The following NLRP2 variants were observed in gnomAD, a reference collection of about 807,000 sequenced individuals.
NLRP2 encodes the protein NACHT, LRR and PYD domains-containing protein 2.
A neutral mutation model predicts 97.2 loss-of-function variants in NLRP2; 107 were observed. The ratio of observed to expected loss-of-function variants is 1.10; its 90% CI spans 0.94 to 1.29. The LOEUF (loss-of-function observed/expected upper bound fraction) is 1.29. NLRP2 is among the 50% of genes most tolerant of loss of function. NLRP2 has a pLI of 0.00. For synonymous variants in NLRP2, 663 were observed against 551.5 expected, an observed-to-expected ratio of 1.20 and a Z score of -2.83; for missense variants, 1,495 against 1,330.3, an observed-to-expected ratio of 1.12 and a Z score of -1.93.
At chr19:54,971,865 G>C (rs1461468437) in intron 2 of NLRP2, among the ~76,000 whole-genome samples, 4 of 152,078 alleles carry the variant, frequency 2.6e-5, no homozygotes, top group Non-Finnish European at 5.9e-5. Flanking sequence ...ATCTCACTCT[G>C]TCACCCAGGC....
At chr19:54,999,176 TTA>T (rs2073043310) in intron 12 of NLRP2, among the ~76,000 whole-genome samples, 1 of 152,094 alleles carries the variant, frequency 6.6e-6, no homozygotes, top group Admixed American at 6.5e-5. Context: ...GGCCAGAGTT[TTA>T]CTCTTGTTGT....
chr19:54,978,894 T>G (rs2071407509), intron 4 of NLRP2, among the ~76,000 whole-genome samples: 1 of 152,038 alleles, frequency 6.6e-6, no homozygotes, highest in Admixed American at 6.6e-5. Context: ...TATGGTACAT[T>G]GCTCAGACAA....
At chr19:54,970,715 T>C (rs966665147) in intron 2 of NLRP2, among the ~76,000 whole-genome samples, 3 of 148,638 alleles carry the variant, frequency 2.0e-5, no homozygotes, top group Non-Finnish European at 4.5e-5. Context: ...TGAATGCAGG[T>C]GCTGGATCTT....
chr19:54,969,502 A>C (rs1442779256), intron 1 of NLRP2, among the ~76,000 whole-genome samples: 1 of 151,802 alleles, frequency 6.6e-6, no homozygotes, highest in Admixed American at 6.6e-5. Flanking sequence ...AAAAAATACA[A>C]AAAGTAGCTG....
chr19:54,968,991 G>A (rs145717917), intron 1 of NLRP2, among the ~76,000 whole-genome samples: 67 of 151,950 alleles, frequency 4.4e-4, no homozygotes, highest in African/African-American at 5.3e-4. Flanking sequence ...GTGAGCCACC[G>A]CGCCCGGCTG....
rs1266294678 is a variant in NLRP2, at chr19:54,994,117, A to G, written c.2709-152A>G. 9.5e-6 allele frequency: 8 copies of G among 841,886 alleles called. No homozygotes were observed. The East Asian group carries it at 2.1e-4, about 22-fold the overall frequency. 52.2% of individuals were successfully genotyped at this position (841,886 alleles called of 1,614,324 possible). A position where few individuals can be genotyped will look rare whatever the true frequency, so the allele number is the denominator to read the frequency against. ...GACTTGGACATCTTTAGGGGAGGCC[A>G]TTCTTCTGTCCACCACACCACCCCA... is the stretch of plus-strand genomic sequence containing the variant. On this transcript the variant is annotated intron_variant, in intron 10 of 12. Coordinates refer to ENST00000448584, the MANE Select transcript of NLRP2 (RefSeq NM_017852.5).
intron 1 of NLRP2, among the ~76,000 whole-genome samples, chr19:54,969,313 TAA>T (rs1351507729): frequency 4.0e-5 from 6 of 151,566 alleles, no homozygotes; most frequent in Admixed American, 3.3e-4. Context: ...CCATCTCTAC[TAA>T]AAATACAAAA....
intron 12 of NLRP2, 140 bp downstream of exon 12, chr19:54,997,627 ATTTCACTTGGAGAAACGGGG>A: frequency 2.2e-6 from 2 of 906,710 alleles, no homozygotes; most frequent in Non-Finnish European, 3.6e-6. Context: ...CAATTTCTGT[ATTTCACTTGGAGAAACGGGG>A]TTTCACCATG....
rs767691830 is a variant in NLRP2, at chr19:54,969,978, CTCCCT to C, written c.-17-19_-17-15del. 2 of 1,611,496 alleles carry C rather than the reference CTCCCT, an allele frequency of 1.2e-6. No individual in the cohort carries two copies. The stretch of plus-strand genomic sequence containing the variant: ...TGCTAATCACCATCCCTCTCCACTC[CTCCCT>C]TGATTGTCATCACAGCTCCCACGTG... On this transcript the variant is annotated splice_polypyrimidine_tract_variant and intron_variant, in intron 1 of 12. Coordinates refer to ENST00000448584, the MANE Select transcript of NLRP2 (RefSeq NM_017852.5).
intron 4 of NLRP2, among the ~76,000 whole-genome samples, chr19:54,980,068 C>T (rs2071476096): frequency 6.6e-6 from 1 of 152,030 alleles, no homozygotes; most frequent in African/African-American, 2.4e-5. Context: ...AGCCACTGTG[C>T]CCAGCCTAGC....
rs139238227 is a variant in NLRP2, at chr19:54,976,531, G to C, written c.326-1221G>C. Among the ~76,000 whole-genome samples, 1,461 of 152,038 alleles carry C rather than the reference G, an allele frequency of 9.6e-3. 20 individuals carry two copies. Among genetic ancestry groups the C allele is most frequent in the African/African-American group, 0.033 (1,378 of 41,474 alleles). On this transcript the variant is annotated intron_variant, in intron 3 of 12. Transcript: ENST00000448584. ...CTGGCTAATTTTTGTATTTTTAGTA[G>C]AGACAGGGTTTCACCATGTTGGCCA... is the stretch of plus-strand genomic sequence containing the variant.
At chr19:54,985,254 G>T in intron 7 of NLRP2, 37 bp downstream of exon 7, 1 of 1,591,852 alleles carries the variant, frequency 6.3e-7, no homozygotes. Flanking sequence ...AAATCCTTAG[G>T]GTATGAAAAT....
At chr19:54,998,357 A>G (rs2072957903) in intron 12 of NLRP2, among the ~76,000 whole-genome samples, 1 of 151,962 alleles carries the variant, frequency 6.6e-6, no homozygotes, top group African/African-American at 2.4e-5. Context: ...AGAACCAAGA[A>G]GCCCCTTCCT....
intron 12 of NLRP2, among the ~76,000 whole-genome samples, chr19:54,997,767 T>TTC (rs1269085401): frequency 6.6e-6 from 1 of 151,634 alleles, no homozygotes; most frequent in African/African-American, 2.4e-5. Context: ...CTTTTTTTTT[T>TTC]TTTTCCTTTG....
At chr19:54,978,986 C>A (rs1184408044) in intron 4 of NLRP2, among the ~76,000 whole-genome samples, 2 of 151,396 alleles carry the variant, frequency 1.3e-5, no homozygotes, top group Admixed American at 1.3e-4. Flanking sequence ...TAGGTTTTTT[C>A]TGTTTTTTTT....
chr19:54,982,537 C>T lies in NLRP2; in HGVS notation c.839C>T (p.Ala280Val). 2.5e-6 allele frequency: 4 copies of T among 1,614,202 alleles called. No individual in the cohort carries two copies. The highest frequency in any genetic ancestry group is 3.4e-6 in the Non-Finnish European group (4 of 1,180,042). The stretch of plus-strand genomic sequence containing the variant: ...GACATTCCACACATCCTAGCCCAAG[C>T]ACGGAAAATCTTGTTCGTGATTGAC... Reference protein sequence around the residue: ...QDDIPHILAQARKILFVIDGF... With the variant: ...QDDIPHILAQVRKILFVIDGF... Residue 280 changes from alanine to valine, a missense_variant, in exon 6 of 13, where the codon GCA becomes GTA. Ala to Val is a moderately conservative substitution (Grantham distance 64, BLOSUM62 0). Transcript: ENST00000448584.
intron 2 of NLRP2, among the ~76,000 whole-genome samples, chr19:54,973,197 A>AAAAAAC (rs2070979575): frequency 6.6e-6 from 1 of 151,900 alleles, no homozygotes; most frequent in African/African-American, 2.4e-5. Flanking sequence ...TCAAAAAAAA[A>AAAAAAC]AAACAAACAA....
At chr19:54,977,612 T>A in intron 3 of NLRP2, 140 bp from the exon 4 acceptor site, 1 of 817,472 alleles carries the variant, frequency 1.2e-6, no homozygotes, top group South Asian at 1.4e-5. Context: ...ACTTTCACTT[T>A]TACATCCAGT....
intron 2 of NLRP2, 152 bp from the exon 3 acceptor site, chr19:54,974,348 C>CAA (rs199842759): frequency 3.2e-5 from 19 of 592,924 alleles, no homozygotes; most frequent in African/African-American, 5.9e-5. Flanking sequence ...CACTCTGTCT[C>CAA]AAAAAAAAAA....
Sources: gnomAD v4.1 joint callset for allele counts (sites outside exome capture counted in the v4.1 genomes callset) on GRCh38, gnomAD v4.1.1 for gene constraint, MANE v1.5 for transcripts, NCBI Gene and HGNC (gene_info 2026-07-23, HGNC 2026-07-21) for gene names.